The following CTTNBP2NL variants were observed in gnomAD, a reference collection of about 807,000 sequenced individuals.
CTTNBP2NL encodes the protein CTTNBP2 N-terminal-like protein.
CTTNBP2NL carries 16 observed loss-of-function variants against 32.5 expected under a neutral mutation model. The observed-to-expected ratio is 0.49, with a 90% CI of 0.33 to 0.75. CTTNBP2NL has a LOEUF of 0.75. Ranked by LOEUF, CTTNBP2NL falls within the 30% of genes least tolerant of loss-of-function variation. CTTNBP2NL has a pLI of 0.02. For missense variants in CTTNBP2NL, 645 were observed against 756.0 expected (o/e 0.85, Z 1.72); for synonymous variants, 298 against 289.4 (o/e 1.03, Z -0.30).
At chr1:112,430,546 CTTTTTTTT>C (rs552996822) in intron 3 of CTTNBP2NL, among the ~76,000 whole-genome samples, 93 of 80,470 alleles carry the variant, frequency 1.2e-3, no homozygotes, top group East Asian at 3.2e-3. Flanking sequence ...CCATAGCTAG[CTTTTTTTT>C]TTTTTTTTTT....
intron 3 of CTTNBP2NL, among the ~76,000 whole-genome samples, chr1:112,440,446 G>A (rs1649862619): frequency 6.6e-6 from 1 of 152,058 alleles, no homozygotes; most frequent in Non-Finnish European, 1.5e-5. Context: ...TTCCATTCTA[G>A]TGTTTCTCAA....
At chr1:112,424,852 C>T (rs1266125864) in intron 3 of CTTNBP2NL, among the ~76,000 whole-genome samples, 1 of 151,974 alleles carries the variant, frequency 6.6e-6, no homozygotes, top group African/African-American at 2.4e-5. Flanking sequence ...GGGTCTGACT[C>T]TGTCACCCAG....
At chr1:112,410,698 A>G (rs945510602) in intron 1 of CTTNBP2NL, among the ~76,000 whole-genome samples, 5 of 152,238 alleles carry the variant, frequency 3.3e-5, no homozygotes, top group Admixed American at 3.3e-4. Flanking sequence ...TTAGCTGAGC[A>G]TTTAGTTGAA....
In CTTNBP2NL at chr1:112,456,804, T is replaced by C. The variant is rs148817805; in HGVS notation, c.1312T>C (p.Leu438=). The change falls in exon 6 of 6, where the codon TTG becomes CTG. Residue 438 remains leucine (L), a synonymous_variant. Transcript: ENST00000271277. ...TTCGCCGGTACTCACTAAGCGTTTA[T>C]TGGGGTCATCAGCTAGCAGCCCTGG... ...CSSPVLTKRL[L]GSSASSPGYQ... is the part of the protein sequence containing the mutation. 1 of 1,614,094 alleles carries C rather than the reference T, an allele frequency of 6.2e-7. No individual in the cohort carries two copies. Among genetic ancestry groups the C allele is most frequent in the East Asian group, 2.2e-5 (1 of 44,852 alleles).
At chr1:112,435,657 A>G (rs1649708054) in intron 3 of CTTNBP2NL, among the ~76,000 whole-genome samples, 1 of 152,180 alleles carries the variant, frequency 6.6e-6, no homozygotes, top group Non-Finnish European at 1.5e-5. Flanking sequence ...AAATCATTGC[A>G]TTGTGTTCGT....
chr1:112,424,445 A>G (rs573506253), intron 3 of CTTNBP2NL, among the ~76,000 whole-genome samples: 1 of 152,338 alleles, frequency 6.6e-6, no homozygotes, highest in African/African-American at 2.4e-5. Context: ...GTAACTTAAA[A>G]TCAATTAGTG....
At position 112,456,659 on chromosome 1, in the gene CTTNBP2NL, T is replaced by C. The variant is rs1303095590; in HGVS notation, c.1167T>C (p.Asn389=). 6.2e-7 allele frequency: 1 copy of C among 1,614,124 alleles called. No individual in the cohort carries two copies. Among genetic ancestry groups the C allele is most frequent in the Non-Finnish European group, 8.5e-7 (1 of 1,180,030 alleles). ...TGGCCCAAGAGAAACCAGTGGAGAA[T>C]GGTGGGTGTCCTGTGGGGATTGAGA... The part of the protein sequence containing the change: ...VALAQEKPVE[N]GGCPVGIETP... The change falls in exon 6 of 6, where the codon AAT becomes AAC. Residue 389 remains asparagine, a synonymous_variant. Transcript: ENST00000271277.
upstream of CTTNBP2NL, among the ~76,000 whole-genome samples, chr1:112,392,857 TG>T (rs202095585): frequency 7.1e-4 from 106 of 148,652 alleles, no homozygotes; most frequent in African/African-American, 2.6e-3. Flanking sequence ...GATTTTTTTT[TG>T]TTTGTTTGTT....
At chr1:112,445,820 T>G (rs527846665) in intron 3 of CTTNBP2NL, among the ~76,000 whole-genome samples, 1 of 152,300 alleles carries the variant, frequency 6.6e-6, no homozygotes, top group South Asian at 2.1e-4. Context: ...AGTGTGGGTT[T>G]TAAAAGTCAT....
At chr1:112,440,314 T>C (rs1649859888) in intron 3 of CTTNBP2NL, among the ~76,000 whole-genome samples, 1 of 152,226 alleles carries the variant, frequency 6.6e-6, no homozygotes, top group Non-Finnish European at 1.5e-5. Context: ...TTTATAACAT[T>C]AGTTAGTTTA....
At chr1:112,442,626 A>G (rs1181509548) in intron 3 of CTTNBP2NL, among the ~76,000 whole-genome samples, 1 of 152,158 alleles carries the variant, frequency 6.6e-6, no homozygotes, top group South Asian at 2.1e-4. Context: ...TTTCAGTTTC[A>G]TTAGAACATT....
Position 112,457,477 on chromosome 1 carries a change from T to A in CTTNBP2NL, c.*65T>A. On this transcript the variant is annotated 3_prime_UTR_variant, in exon 6 of 6. Coordinates refer to ENST00000271277, the MANE Select transcript of CTTNBP2NL (RefSeq NM_018704.3). ...TTTCGTCCAAAAGCTCAGTCAGACT[T>A]CTGAGTCAGATTATGTTATTTATTT... is the stretch of plus-strand genomic sequence containing the variant. 1.5e-6 allele frequency: 2 copies of A among 1,349,234 alleles called. No individual in the cohort carries two copies. Among genetic ancestry groups the A allele is most frequent in the Non-Finnish European group, 2.1e-6 (2 of 973,836 alleles). The allele number at this position is 1,349,234 out of a possible 1,614,324, so 83.6% of individuals were successfully genotyped here.
chr1:112,456,267 C>T lies in CTTNBP2NL; in HGVS notation c.775C>T (p.Arg259Trp), dbSNP rs754747435. Reference protein sequence around the residue: ...LRAKLNREENRTKTLKEEMES... With the variant: ...LRAKLNREENWTKTLKEEMES... ...AGCAAAACTGAACCGAGAAGAGAACCGGACCAAAACCCTGAAAGAAGAAAT... is the reference window on the plus strand; with the variant it reads ...AGCAAAACTGAACCGAGAAGAGAACTGGACCAAAACCCTGAAAGAAGAAAT... The change falls in exon 6 of 6, where the codon CGG (arginine) becomes TGG (tryptophan). Residue 259 changes from arginine to tryptophan, a missense_variant. Coordinates refer to ENST00000271277, the MANE Select transcript of CTTNBP2NL (RefSeq NM_018704.3). The T allele has an allele frequency of 5.0e-6, 8 of 1,613,902 alleles. No homozygotes were observed. The East Asian group carries it at 8.9e-5, about 18-fold the overall frequency.
chr1:112,410,930 T>G (rs1159563214), intron 1 of CTTNBP2NL, among the ~76,000 whole-genome samples: 1 of 152,194 alleles, frequency 6.6e-6, no homozygotes, highest in Non-Finnish European at 1.5e-5. Context: ...AGAAAATAAG[T>G]AGGGAATGAG....
At chr1:112,416,356 T>C (rs1200532804) in intron 3 of CTTNBP2NL, 92 bp downstream of exon 3, 9 of 701,536 alleles carry the variant, frequency 1.3e-5, no homozygotes, top group Non-Finnish European at 1.9e-5. Context: ...TTCTGCAGTT[T>C]CCATTGAAAT....
At chr1:112,407,876 G>A (rs944186055) in intron 1 of CTTNBP2NL, among the ~76,000 whole-genome samples, 4 of 110,064 alleles carry the variant, frequency 3.6e-5, no homozygotes, top group African/African-American at 1.5e-4. Flanking sequence ...GCAGGGTCTC[G>A]CTGTATTGCC....
At chr1:112,422,202 A>G (rs1649252414) in intron 3 of CTTNBP2NL, among the ~76,000 whole-genome samples, 1 of 151,894 alleles carries the variant, frequency 6.6e-6, no homozygotes. Flanking sequence ...AATTATTTAC[A>G]TTTTCTGAAA....
At position 112,457,522 on chromosome 1, in the gene CTTNBP2NL, C is replaced by G; in HGVS notation, c.*110C>G. The G allele has an allele frequency of 1.1e-6, 1 of 923,520 alleles. No individual in the cohort carries two copies. The highest frequency in any genetic ancestry group is 1.6e-6 in the Non-Finnish European group (1 of 608,942). 57.2% of individuals were successfully genotyped at this position (923,520 alleles called of 1,614,324 possible). On this transcript the variant is annotated 3_prime_UTR_variant, in exon 6 of 6. Transcript: ENST00000271277. ...TTATTTTGATAGTAGCTGAAACCAT[C>G]TGTATAATACATTTAGTATATTTCA...
chr1:112,418,114 G>T (rs1005109012), intron 3 of CTTNBP2NL, among the ~76,000 whole-genome samples: 1 of 152,034 alleles, frequency 6.6e-6, no homozygotes, highest in Non-Finnish European at 1.5e-5. Flanking sequence ...CTTCAAAATA[G>T]ATTTTTGTCT....
Sources: allele counts gnomAD v4.1 joint callset (sites outside exome capture counted in the v4.1 genomes callset), GRCh38; gene constraint gnomAD v4.1.1; transcripts MANE v1.5; gene names NCBI Gene and HGNC (gene_info 2026-07-23, HGNC 2026-07-21).